Variants in ITGA9 observed in about 807,000 individuals in gnomAD.
The protein encoded by ITGA9 is integrin subunit alpha 9, also known as integrin alpha-9.
A neutral mutation model predicts 127.8 loss-of-function variants in ITGA9; 56 were observed. The observed-to-expected ratio is 0.44, with a 90% CI of 0.35 to 0.55. ITGA9 has a LOEUF of 0.55. Among genes scored for constraint, ITGA9 ranks in the 20% least tolerant of loss-of-function variants. The pLI is 0.00. For missense variants in ITGA9, 1,196 were observed against 1,347.1 expected (o/e 0.89, Z 1.76); for synonymous variants, 508 against 514.5 (o/e 0.99, Z 0.17).
chr3:37,682,503 C>G (rs532612037), intron 17 of ITGA9, among the ~76,000 whole-genome samples: 1 of 152,324 alleles, frequency 6.6e-6, no homozygotes, highest in East Asian at 1.9e-4. Context: ...ACCTCCTCAT[C>G]TTCAACTCCT....
intron 27 of ITGA9, among the ~76,000 whole-genome samples, chr3:37,817,458 A>G (rs962457122): frequency 1.3e-5 from 2 of 152,182 alleles, no homozygotes; most frequent in Non-Finnish European, 2.9e-5. Flanking sequence ...AAACTGTTGG[A>G]GAGCAGGGAA....
At position 37,533,336 on chromosome 3, in the gene ITGA9, G is replaced by T. The variant is rs749485393; in HGVS notation, c.1396G>T (p.Asp466Tyr). 1.2e-6 allele frequency: 2 copies of T among 1,614,182 alleles called. No individual in the cohort carries two copies. The highest frequency in any genetic ancestry group is 1.3e-5 in the African/African-American group (1 of 75,042). ...LLRARPVITVDVSIFLPGSIN... is the reference protein window; with the variant it reads ...LLRARPVITVYVSIFLPGSIN... Reference sequence around the variant, plus strand: ...CAGAGCAAGGCCTGTCATTACGGTGGATGTCTCCATCTTCCTCCCGGGCTC... The same window carrying T: ...CAGAGCAAGGCCTGTCATTACGGTGTATGTCTCCATCTTCCTCCCGGGCTC... The change falls in exon 14 of 28, where the codon GAT becomes TAT. Residue 466 changes from aspartate (D) to tyrosine (Y), a missense_variant. Transcript: ENST00000264741.
At chr3:37,593,728 C>T (rs1699842725) in intron 15 of ITGA9, among the ~76,000 whole-genome samples, 2 of 152,324 alleles carry the variant, frequency 1.3e-5, no homozygotes, top group Non-Finnish European at 1.5e-5. Context: ...CATCCAGTGG[C>T]GATGTCTCCC....
At position 37,554,679 on chromosome 3, in the gene ITGA9, A is replaced by G. The variant is rs369569151; in HGVS notation, c.1689+12094A>G. The stretch of plus-strand genomic sequence containing the variant: ...TGAGAAGTGGTCAAATTCTGCGTGC[A>G]TTTTGAAGGGGGATCCTACAGCATT... On this transcript the variant is annotated intron_variant, in intron 15 of 27. Coordinates refer to ENST00000264741, the MANE Select transcript of ITGA9 (RefSeq NM_002207.3). Among the ~76,000 whole-genome samples, 5 of 152,022 alleles carry G rather than the reference A, an allele frequency of 3.3e-5. No homozygotes were observed. The East Asian group carries it at 7.8e-4, about 24-fold the overall frequency.
At chr3:37,712,574 C>A (rs1291672065) in intron 18 of ITGA9, among the ~76,000 whole-genome samples, 1 of 152,168 alleles carries the variant, frequency 6.6e-6, no homozygotes, top group Non-Finnish European at 1.5e-5. Context: ...TTGGCTTCGA[C>A]CACAGCTTCT....
chr3:37,769,338 CAA>C (rs35133772), intron 23 of ITGA9, among the ~76,000 whole-genome samples: 1,841 of 114,280 alleles, frequency 0.016, 19 homozygotes, highest in African/African-American at 0.036. Flanking sequence ...AACTCTGTCT[CAA>C]AAAAAAAAAA....
chr3:37,759,871 T>A (rs936098256), intron 23 of ITGA9, among the ~76,000 whole-genome samples: 9 of 149,212 alleles, frequency 6.0e-5, no homozygotes, highest in African/African-American at 2.2e-4. Flanking sequence ...GCCACTGCAC[T>A]CCAGCCTGAA....
At position 37,674,301 on chromosome 3, in the gene ITGA9, T is replaced by C. The variant is rs564989887; in HGVS notation, c.1917-9564T>C. Among the ~76,000 whole-genome samples, 4 of 152,276 alleles carry C rather than the reference T, an allele frequency of 2.6e-5. No homozygotes were observed. In the South Asian group the frequency reaches 6.2e-4, roughly 24 times the overall value. On this transcript the variant is annotated intron_variant, in intron 17 of 27. Transcript: ENST00000264741. ...TGTAAAAGCTCCCAGCCCACAGAGG[T>C]GAGCAGAGGCTGAGGAGTAAACACC...
At chr3:37,475,798 T>A (rs1392884132) in intron 3 of ITGA9, among the ~76,000 whole-genome samples, 1 of 152,210 alleles carries the variant, frequency 6.6e-6, no homozygotes, top group African/African-American at 2.4e-5. Flanking sequence ...GTATGGCACA[T>A]TGTTGTACAA....
intron 1 of ITGA9, among the ~76,000 whole-genome samples, chr3:37,460,707 A>T (rs1396886016): frequency 6.7e-6 from 1 of 149,370 alleles, no homozygotes; most frequent in Non-Finnish European, 1.5e-5. Context: ...CTCCTGCCTC[A>T]GCCTCCCGAG....
intron 1 of ITGA9, among the ~76,000 whole-genome samples, chr3:37,463,584 T>G (rs1698338938): frequency 6.6e-6 from 1 of 152,094 alleles, no homozygotes; most frequent in Non-Finnish European, 1.5e-5. Context: ...AGCTCAGAAG[T>G]CAAACCATGC....
At chr3:37,529,686 C>T (rs921873695) in intron 13 of ITGA9, among the ~76,000 whole-genome samples, 3 of 152,218 alleles carry the variant, frequency 2.0e-5, no homozygotes, top group African/African-American at 7.2e-5. Context: ...CCCTCAGCTT[C>T]ACCCTCATCT....
At chr3:37,502,387 G>A (rs1000713466) in intron 5 of ITGA9, among the ~76,000 whole-genome samples, 1 of 151,800 alleles carries the variant, frequency 6.6e-6, no homozygotes, top group Non-Finnish European at 1.5e-5. Flanking sequence ...GCTAATTTTT[G>A]TATTTTTAGT....
intron 15 of ITGA9, among the ~76,000 whole-genome samples, chr3:37,544,678 AT>A (rs1001724243): frequency 8.5e-5 from 13 of 152,158 alleles, no homozygotes; most frequent in African/African-American, 2.9e-4. Flanking sequence ...TATTTTGGTC[AT>A]TCTAGGGAGA....
intron 15 of ITGA9, among the ~76,000 whole-genome samples, chr3:37,619,795 C>T (rs1384655176): frequency 6.6e-6 from 1 of 152,184 alleles, no homozygotes; most frequent in Non-Finnish European, 1.5e-5. Context: ...TTCACTCCTG[C>T]AGCTGTGGAG....
At chr3:37,551,282 C>T (rs1411904810) in intron 15 of ITGA9, among the ~76,000 whole-genome samples, 1 of 152,150 alleles carries the variant, frequency 6.6e-6, no homozygotes, top group Non-Finnish European at 1.5e-5. Flanking sequence ...TGTTCGCCAG[C>T]CCCTCTGCAC....
chr3:37,653,773 T>A lies in ITGA9; in HGVS notation c.1899T>A (p.Gly633=). The A allele has an allele frequency of 6.2e-7, 1 of 1,612,950 alleles. No individual in the cohort carries two copies. Residue 633 remains glycine, a synonymous_variant, in exon 17 of 28, where the codon GGT becomes GGA. Transcript: ENST00000264741. ...GTGCCGCAGACCTGCAGCTTCAGGG[T>A]AAACTGCTGCTCTCCAGGTATGTCG... ...EDCAADLQLQ[G]KLLLSSMDEK... is the part of the protein sequence containing the mutation.
chr3:37,547,396 G>T (rs1246429762), intron 15 of ITGA9, among the ~76,000 whole-genome samples: 1 of 152,164 alleles, frequency 6.6e-6, no homozygotes, highest in Non-Finnish European at 1.5e-5. Context: ...TGGCCACCAG[G>T]TCTCCTGAGA....
At chr3:37,590,940 C>T (rs1359411834) in intron 15 of ITGA9, among the ~76,000 whole-genome samples, 1 of 152,160 alleles carries the variant, frequency 6.6e-6, no homozygotes, top group African/African-American at 2.4e-5. Context: ...TTAGCGCAGC[C>T]CTGGGGGTTA....
Sources: allele counts gnomAD v4.1 joint callset (sites outside exome capture counted in the v4.1 genomes callset), GRCh38; gene constraint gnomAD v4.1.1; transcripts MANE v1.5; gene names NCBI Gene and HGNC (gene_info 2026-07-23, HGNC 2026-07-21).